The following UGT3A2 variants were observed in gnomAD, a reference collection of about 807,000 sequenced individuals.
UGT3A2 encodes UDP glycosyltransferase family 3 member A2, also known as UDP-glycosyltransferase 3A2.
Under a neutral mutation model 39.8 loss-of-function variants are expected in UGT3A2, and 32 were observed. The ratio of observed to expected loss-of-function variants is 0.80; its 90% confidence interval spans 0.61 to 1.08. The LOEUF (loss-of-function observed/expected upper bound fraction) is 1.08. Ranked by LOEUF, UGT3A2 falls within the 50% of genes least tolerant of loss-of-function variation. UGT3A2 has a pLI of 0.00. For synonymous variants in UGT3A2, 241 were observed against 230.7 expected (o/e 1.04, Z -0.40); for missense variants, 611 against 637.1 (o/e 0.96, Z 0.44).
At chr5:36,041,962 CGGA>C (rs1190950383) in intron 4 of UGT3A2, among the ~76,000 whole-genome samples, 2 of 151,910 alleles carry the variant, frequency 1.3e-5, no homozygotes, top group Admixed American at 6.6e-5. Context: ...CTTTCAGACA[CGGA>C]ATTCAAAATA....
intron 2 of UGT3A2, among the ~76,000 whole-genome samples, chr5:36,061,238 T>TTTATTA (rs77719519): frequency 1.3e-4 from 20 of 150,768 alleles, no homozygotes; most frequent in African/African-American, 2.2e-4. Flanking sequence ...AATTTTAAAT[T>TTTATTA]TTATTATTAT....
chr5:36,064,874 G>C (rs1372094980), intron 1 of UGT3A2, among the ~76,000 whole-genome samples: 2 of 152,190 alleles, frequency 1.3e-5, no homozygotes, highest in African/African-American at 2.4e-5. Context: ...CAGAAGGAAT[G>C]AGGGGCCACT....
chr5:36,039,802 T>C (rs1741950403), intron 4 of UGT3A2, 94 bp from the exon 5 acceptor site: 4 of 966,266 alleles, frequency 4.1e-6, no homozygotes, highest in Non-Finnish European at 4.7e-6. Context: ...ACTAACACAG[T>C]GCCCTGTCCT....
At position 36,049,217 on chromosome 5, in the gene UGT3A2, G is replaced by C; in HGVS notation, c.515C>G (p.Ser172Cys). ...GGGGATTGGTAGCCCAAATTCCAAA[G>C]AGCCGAATGAAGTGGAAAGAATGGC... ...FVAILSTSFG[S>C]LEFGLPIPLS... Residue 172 changes from serine (S) to cysteine (C), a missense_variant, in exon 4 of 7, where the codon TCT (serine) becomes TGT (cysteine). Ser to Cys is a moderately radical substitution (Grantham distance 112, BLOSUM62 -1). Coordinates refer to ENST00000282507, the MANE Select transcript of UGT3A2 (RefSeq NM_174914.4). 6 of 1,614,142 alleles carry C rather than the reference G, an allele frequency of 3.7e-6. No homozygotes were observed. The highest frequency in any genetic ancestry group is 5.1e-6 in the Non-Finnish European group (6 of 1,180,024).
intron 2 of UGT3A2, among the ~76,000 whole-genome samples, chr5:36,062,636 T>G (rs1973394): frequency 0.098 from 14,826 of 152,016 alleles, 2,519 homozygotes; most frequent in African/African-American, 0.34. Context: ...TGCTGTTTTG[T>G]TTACTGTAGT....
intron 2 of UGT3A2, among the ~76,000 whole-genome samples, chr5:36,053,824 G>T (rs902479978): frequency 1.3e-5 from 2 of 152,104 alleles, no homozygotes; most frequent in East Asian, 3.8e-4. Context: ...GCTTCTCAAG[G>T]CTACCTGCAT....
chr5:36,044,941 T>TAAAA, intron 4 of UGT3A2, among the ~76,000 whole-genome samples: 1 of 152,256 alleles, frequency 6.6e-6, no homozygotes, highest in East Asian at 1.9e-4. Flanking sequence ...TCAATCTCTA[T>TAAAA]AAAAATACCA....
chr5:36,040,294 C>A (rs534499798), intron 4 of UGT3A2, among the ~76,000 whole-genome samples: 29 of 152,198 alleles, frequency 1.9e-4, no homozygotes, highest in African/African-American at 7.0e-4. Context: ...TTAAAAGCAG[C>A]AATGCCATAG....
chr5:36,048,180 A>C (rs1742226614), intron 4 of UGT3A2, among the ~76,000 whole-genome samples: 1 of 152,038 alleles, frequency 6.6e-6, no homozygotes, highest in Non-Finnish European at 1.5e-5. Context: ...AGGATATTAA[A>C]TATGATAACT....
At chr5:36,055,148 A>C (rs1218114487) in intron 2 of UGT3A2, among the ~76,000 whole-genome samples, 1 of 152,048 alleles carries the variant, frequency 6.6e-6, no homozygotes, top group Non-Finnish European at 1.5e-5. Flanking sequence ...TCAAAAAAAA[A>C]AATTTGGGGG....
intron 1 of UGT3A2, among the ~76,000 whole-genome samples, chr5:36,066,150 T>C (rs1437498174): frequency 6.6e-6 from 1 of 152,178 alleles, no homozygotes; most frequent in Non-Finnish European, 1.5e-5. Flanking sequence ...AGGTTTCCCC[T>C]GGTGGAAAAC....
chr5:36,061,453 A>T (rs1351080959), intron 2 of UGT3A2, among the ~76,000 whole-genome samples: 1 of 137,742 alleles, frequency 7.3e-6, no homozygotes, highest in Non-Finnish European at 1.5e-5. Context: ...ATGTGATCTC[A>T]TTGTTCAATT....
chr5:36,052,128 T>C lies in UGT3A2; in HGVS notation c.197-144A>G, dbSNP rs1296861084. The C allele has an allele frequency of 4.9e-6, 3 of 609,012 alleles. No individual in the cohort carries two copies. In the African/African-American group the frequency reaches 5.7e-5, roughly 12 times the overall value. The allele number at this position is 609,012 out of a possible 1,614,324, so 37.7% of individuals were successfully genotyped here. ...AAGTATTTTTTAATGTATGCGTTTA[T>C]TTATTTTTGAGACAGAGTCTTGCTC... On this transcript the variant is annotated intron_variant, in intron 2 of 6. Coordinates refer to ENST00000282507, the MANE Select transcript of UGT3A2 (RefSeq NM_174914.4).
At chr5:36,050,539 A>G (rs1316572206) in intron 3 of UGT3A2, among the ~76,000 whole-genome samples, 1 of 152,228 alleles carries the variant, frequency 6.6e-6, no homozygotes, top group African/African-American at 2.4e-5. Context: ...GATTCACATA[A>G]CAAAGGAAAA....
intron 5 of UGT3A2, 115 bp from the exon 6 acceptor site, chr5:36,038,131 T>C: frequency 2.8e-6 from 3 of 1,064,970 alleles, no homozygotes; most frequent in Non-Finnish European, 4.0e-6. Context: ...TTGGAGACAT[T>C]GTATCTAATG....
Position 36,059,698 on chromosome 5 carries a change from TC to T in UGT3A2, c.196+4550del, listed in dbSNP as rs542490892. Among the ~76,000 whole-genome samples, 69 of 152,302 alleles carry T rather than the reference TC, an allele frequency of 4.5e-4. 1 individual carries two copies. The highest frequency in any genetic ancestry group is 4.3e-3 in the Admixed American group (66 of 15,298). ...ATCAGAAAGAGCCTGTTTCTTGTTA[TC>T]AGTGGAATGTTTTACCCCGCAGCAA... On this transcript the variant is annotated intron_variant, in intron 2 of 6. Coordinates refer to ENST00000282507, the MANE Select transcript of UGT3A2 (RefSeq NM_174914.4).
chr5:36,035,875 T>C lies in UGT3A2; in HGVS notation c.1395A>G (p.Thr465=), dbSNP rs1741807653. ...AGGGCTTGAGGTGCGTCGCGCCCCCTGTCTGGAGGACGTGGTCAATCCAGC... is the reference window on the plus strand; with the variant it reads ...AGGGCTTGAGGTGCGTCGCGCCCCCCGTCTGGAGGACGTGGTCAATCCAGC... ...LVGWIDHVLQ[T]GGATHLKPYV... is the part of the protein sequence containing the mutation. Residue 465 remains threonine (T), a synonymous_variant, in exon 7 of 7, where the codon ACA becomes ACG. Coordinates refer to ENST00000282507, the MANE Select transcript of UGT3A2 (RefSeq NM_174914.4). 6.2e-7 allele frequency: 1 copy of C among 1,614,148 alleles called. No homozygotes were observed. The highest frequency in any genetic ancestry group is 8.5e-7 in the Non-Finnish European group (1 of 1,180,006).
chr5:36,050,512 T>C (rs1336677551), intron 3 of UGT3A2, among the ~76,000 whole-genome samples: 1 of 152,220 alleles, frequency 6.6e-6, no homozygotes, highest in African/African-American at 2.4e-5. Flanking sequence ...AGTCATCCTC[T>C]GTTGTAGATT....
intron 2 of UGT3A2, among the ~76,000 whole-genome samples, chr5:36,059,955 C>T (rs1349827236): frequency 6.6e-6 from 1 of 152,194 alleles, no homozygotes. Context: ...ATTCCAATCA[C>T]AGGCCTGGTT....
Sources: gnomAD v4.1 joint callset for allele counts (sites outside exome capture counted in the v4.1 genomes callset) on GRCh38, gnomAD v4.1.1 for gene constraint, MANE v1.5 for transcripts, NCBI Gene and HGNC (gene_info 2026-07-23, HGNC 2026-07-21) for gene names.